The following TMEM267 variants were observed in gnomAD, a reference collection of about 807,000 sequenced individuals.
The protein encoded by TMEM267 is transmembrane protein 267, also known as transmembrane protein C5orf28.
A neutral mutation model predicts 19.3 loss-of-function variants in TMEM267; 20 were observed. The observed-to-expected ratio is 1.04, with a 90% CI of 0.73 to 1.51. The LOEUF (loss-of-function observed/expected upper bound fraction) is 1.51. TMEM267 is among the 40% of genes most tolerant of loss of function. The probability of loss-of-function intolerance (pLI) is 0.00; values close to 1 mark genes in which losing one functional copy is unlikely to be tolerated. For synonymous variants in TMEM267, 88 were observed against 90.3 expected (o/e 0.97, Z 0.15); for missense variants, 242 against 261.9 (o/e 0.92, Z 0.52).
At chr5:43,463,510 C>G (rs1383329755) in intron 1 of TMEM267, among the ~76,000 whole-genome samples, 1 of 152,148 alleles carries the variant, frequency 6.6e-6, no homozygotes, top group Non-Finnish European at 1.5e-5. Flanking sequence ...AGACCAATAT[C>G]CTTGATGAAC....
intron 1 of TMEM267, among the ~76,000 whole-genome samples, chr5:43,472,168 T>C (rs1167844288): frequency 6.6e-6 from 1 of 152,102 alleles, no homozygotes; most frequent in Non-Finnish European, 1.5e-5. Context: ...GACATAGAAA[T>C]GGCAAACAGG....
chr5:43,469,540 G>A (rs1287604173), intron 1 of TMEM267, among the ~76,000 whole-genome samples: 1 of 152,054 alleles, frequency 6.6e-6, no homozygotes, highest in Admixed American at 6.6e-5. Context: ...TGCTGAAAAA[G>A]GGCTAGGTAA....
chr5:43,456,044 C>T (rs1262612625), intron 1 of TMEM267, among the ~76,000 whole-genome samples: 2 of 151,580 alleles, frequency 1.3e-5, no homozygotes, highest in East Asian at 1.9e-4. Context: ...AGAGAGGCCT[C>T]GAACTCCTAG....
At chr5:43,464,643 A>G (rs1743517973) in intron 1 of TMEM267, among the ~76,000 whole-genome samples, 1 of 152,270 alleles carries the variant, frequency 6.6e-6, no homozygotes, top group South Asian at 2.1e-4. Flanking sequence ...GCCCTCAGAA[A>G]TAATGCCACA....
chr5:43,449,999 G>GT (rs1206030501), intron 2 of TMEM267, among the ~76,000 whole-genome samples: 434 of 137,372 alleles, frequency 3.2e-3, no homozygotes, highest in South Asian at 0.015. Flanking sequence ...TTTTTTTTTT[G>GT]TTTTTTTTTT....
At position 43,457,233 on chromosome 5, in the gene TMEM267, T is replaced by A. The variant is rs1208835871; in HGVS notation, c.-74-3190A>T. ...CCTACTTGTATCAAATATACCACAC[T>A]ATTGCAAATATTAATAATGGGGAAA... On this transcript the variant is annotated intron_variant, in intron 1 of 2. Transcript: ENST00000397080. Among the ~76,000 whole-genome samples the A allele has an allele frequency of 3.3e-5, 5 of 152,210 alleles. No individual in the cohort carries two copies. The East Asian group carries it at 9.6e-4, about 29-fold the overall frequency.
intron 1 of TMEM267, among the ~76,000 whole-genome samples, chr5:43,460,957 C>T (rs532480824): frequency 2.6e-5 from 4 of 152,282 alleles, no homozygotes; most frequent in Admixed American, 6.5e-5. Context: ...CAGTGGACTG[C>T]GTGGGCACAT....
chr5:43,476,004 G>A (rs186551130), intron 1 of TMEM267: 8 of 152,284 alleles, frequency 5.3e-5, no homozygotes, highest in African/African-American at 1.7e-4. Context: ...GTTGGCTATA[G>A]GAGACATTAT....
chr5:43,468,361 C>T (rs1371721353), intron 1 of TMEM267, among the ~76,000 whole-genome samples: 4 of 152,050 alleles, frequency 2.6e-5, no homozygotes, highest in Non-Finnish European at 4.4e-5. Context: ...TGGGAGTCAG[C>T]TTGCACAAGT....
At chr5:43,483,171 T>G (rs1250168304) in intron 1 of TMEM267, among the ~76,000 whole-genome samples, 1 of 152,188 alleles carries the variant, frequency 6.6e-6, no homozygotes, top group East Asian at 1.9e-4. Flanking sequence ...GAAACACAAA[T>G]CTTGCTTACT....
chr5:43,447,856 T>C (rs2112005111), intron 2 of TMEM267, among the ~76,000 whole-genome samples: 1 of 152,268 alleles, frequency 6.6e-6, no homozygotes, highest in East Asian at 1.9e-4. Context: ...AAGAGTGTCC[T>C]AGTAGGTCAC....
At chr5:43,447,843 C>T (rs996031313) in intron 2 of TMEM267, among the ~76,000 whole-genome samples, 2 of 152,106 alleles carry the variant, frequency 1.3e-5, no homozygotes, top group African/African-American at 4.8e-5. Flanking sequence ...TGTGAAAATA[C>T]TGAAGAGTGT....
chr5:43,464,586 T>A (rs1254146579), intron 1 of TMEM267, among the ~76,000 whole-genome samples: 1 of 152,272 alleles, frequency 6.6e-6, no homozygotes, highest in Non-Finnish European at 1.5e-5. Context: ...CAAAACAGCA[T>A]GGTACTGGTA....
Position 43,453,965 on chromosome 5 carries a change from G to A in TMEM267, c.5C>T (p.Ala2Val), listed in dbSNP as rs752411258. 14 of 1,612,346 alleles carry A rather than the reference G, an allele frequency of 8.7e-6. No homozygotes were observed. In the East Asian group the frequency reaches 3.1e-4, roughly 36 times the overall value. M[A>V]SETEKTHALL... ...AGCATGGGTCTTTTCAGTCTCGGATGCCATGACAAACAATATGTTAGTATA... is the reference window on the plus strand; with the variant it reads ...AGCATGGGTCTTTTCAGTCTCGGATACCATGACAAACAATATGTTAGTATA... Residue 2 changes from alanine to valine, a missense_variant, in exon 2 of 3, where the codon GCA (alanine) becomes GTA (valine). Ala to Val is a moderately conservative substitution (Grantham distance 64). Transcript: ENST00000397080.
At chr5:43,449,216 G>C (rs1174347742) in intron 2 of TMEM267, among the ~76,000 whole-genome samples, 1 of 152,074 alleles carries the variant, frequency 6.6e-6, no homozygotes, top group Non-Finnish European at 1.5e-5. Flanking sequence ...AGGTTGCAGT[G>C]AGCTGAGATC....
chr5:43,448,928 T>A (rs1428491238), intron 2 of TMEM267, among the ~76,000 whole-genome samples: 3 of 149,456 alleles, frequency 2.0e-5, no homozygotes, highest in Admixed American at 6.7e-5. Flanking sequence ...AACAACCACA[T>A]GGGGACATAA....
chr5:43,450,257 G>A (rs763181553), intron 2 of TMEM267, among the ~76,000 whole-genome samples: 1 of 152,094 alleles, frequency 6.6e-6, no homozygotes, highest in Non-Finnish European at 1.5e-5. Context: ...GCCTCACAGT[G>A]TTGGGGTTAC....
intron 1 of TMEM267, among the ~76,000 whole-genome samples, chr5:43,468,964 T>C (rs2112151188): frequency 6.6e-6 from 1 of 152,336 alleles, no homozygotes; most frequent in South Asian, 2.1e-4. Flanking sequence ...AATATTCTCC[T>C]GAATGACCAG....
chr5:43,449,746 G>T (rs1305936079), intron 2 of TMEM267, among the ~76,000 whole-genome samples: 1 of 152,192 alleles, frequency 6.6e-6, no homozygotes, highest in Non-Finnish European at 1.5e-5. Context: ...TGATTGGAAA[G>T]ACTGGAGACA....
Sources: gnomAD v4.1 joint callset for allele counts (sites outside exome capture counted in the v4.1 genomes callset) on GRCh38, gnomAD v4.1.1 for gene constraint, MANE v1.5 for transcripts, NCBI Gene and HGNC (gene_info 2026-07-23, HGNC 2026-07-21) for gene names.